PCDHGA3: variants seen among roughly 807,000 people sequenced by gnomAD.
The protein encoded by PCDHGA3 is protocadherin gamma subfamily A, 3, also known as protocadherin gamma-A3.
PCDHGA3 carries 40 observed loss-of-function variants against 58.5 expected under a neutral mutation model. The ratio of observed to expected loss-of-function variants is 0.68; its 90% CI spans 0.53 to 0.89. The LOEUF is 0.89. Ranked by LOEUF, PCDHGA3 falls within the 40% of genes least tolerant of loss-of-function variation. The pLI is 0.00. For synonymous variants in PCDHGA3, 530 were observed against 525.7 expected, an observed-to-expected ratio of 1.01 and a Z score of -0.11; for missense variants, 1,223 against 1,195.9, an observed-to-expected ratio of 1.02 and a Z score of -0.33.
intron 1 of PCDHGA3, chr5:141,365,005 C>T (rs1329280545): frequency 1.2e-6 from 2 of 1,613,788 alleles, no homozygotes; most frequent in South Asian, 1.1e-5. Flanking sequence ...TCTCCGGCAC[C>T]ACGCACATCC....
chr5:141,437,094 G>A (rs1183502010), intron 1 of PCDHGA3, among the ~76,000 whole-genome samples: 3 of 152,126 alleles, frequency 2.0e-5, no homozygotes, highest in African/African-American at 4.8e-5. Context: ...TGAAACTAAC[G>A]GCTTAGCTTT....
At chr5:141,393,848 A>T (rs1368797606) in intron 1 of PCDHGA3, 6 of 1,614,008 alleles carry the variant, frequency 3.7e-6, no homozygotes, top group Non-Finnish European at 5.1e-6. Flanking sequence ...ACAATAGACC[A>T]GAAGTGATCA....
At chr5:141,428,001 T>G (rs149531447) in intron 1 of PCDHGA3, 10 of 1,601,704 alleles carry the variant, frequency 6.2e-6, no homozygotes, top group Non-Finnish European at 8.5e-6. Flanking sequence ...CTCCGCACTC[T>G]TCGATATAGT....
chr5:141,365,971 G>A lies in PCDHGA3; in HGVS notation c.2424+19514G>A, dbSNP rs769584831. 6 of 1,614,218 alleles carry A rather than the reference G, an allele frequency of 3.7e-6. No homozygotes were observed. In the South Asian group the frequency reaches 5.5e-5, roughly 15 times the overall value. On this transcript the variant is annotated intron_variant, in intron 1 of 3. Coordinates refer to ENST00000253812, the MANE Select transcript of PCDHGA3 (RefSeq NM_018916.4). ...ACCCTCCACTTAGCAGCAACGTGTCGCTGAGCCTGTTTGTGCTGGACCAGA... is the reference window on the plus strand; with the variant it reads ...ACCCTCCACTTAGCAGCAACGTGTCACTGAGCCTGTTTGTGCTGGACCAGA...
At chr5:141,364,952 C>G in intron 1 of PCDHGA3, 1 of 1,613,948 alleles carries the variant, frequency 6.2e-7, no homozygotes, top group Non-Finnish European at 8.5e-7. Context: ...AGAGACTGTT[C>G]ACGACCTCCT....
At position 141,489,646 on chromosome 5, in the gene PCDHGA3, C is replaced by A. The variant is rs1274955075; in HGVS notation, c.2425-5161C>A. 1.2e-6 allele frequency: 2 copies of A among 1,614,186 alleles called. No homozygotes were observed. The highest frequency in any genetic ancestry group is 2.7e-5 in the African/African-American group (2 of 75,048). On this transcript the variant is annotated intron_variant, in intron 1 of 3. Coordinates refer to ENST00000253812, the MANE Select transcript of PCDHGA3 (RefSeq NM_018916.4). This position sits in a 1 kb window ranked among gnomAD's most constrained non-coding sequence, Gnocchi z 4.5. Reference sequence around the variant, plus strand: ...TGACAACTCTCCTAGCTTTGCCACCCCTGAGCGAGAGATGCGCATCTCAGA... The same window carrying A: ...TGACAACTCTCCTAGCTTTGCCACCACTGAGCGAGAGATGCGCATCTCAGA...
At chr5:141,375,457 A>T in intron 1 of PCDHGA3, 1 of 1,613,816 alleles carries the variant, frequency 6.2e-7, no homozygotes, top group East Asian at 2.2e-5. Flanking sequence ...CATCCTACTC[A>T]GTCTATGTCC....
chr5:141,477,171 TCA>T lies in PCDHGA3; in HGVS notation c.2425-17633_2425-17632del, dbSNP rs772104411. On this transcript the variant is annotated intron_variant, in intron 1 of 3. Transcript: ENST00000253812. This position sits in a 1 kb window ranked among gnomAD's most constrained non-coding sequence, Gnocchi z 4.9. ...GATGTGAATGACAACGCCCCGGAGA[TCA>T]CAGTCACCTCCGTGTACAGCCCAGT... 6.2e-7 allele frequency: 1 copy of T among 1,614,072 alleles called. No individual in the cohort carries two copies. Among genetic ancestry groups the T allele is most frequent in the Non-Finnish European group, 8.5e-7 (1 of 1,179,988 alleles).
At chr5:141,352,402 C>T (rs1033462327) in intron 1 of PCDHGA3, 27 of 1,613,928 alleles carry the variant, frequency 1.7e-5, no homozygotes, top group African/African-American at 6.7e-5. Context: ...TGCGACGTTC[C>T]TCCAGCCTCG....
intron 1 of PCDHGA3, chr5:141,471,546 G>T (rs1271594387): frequency 6.6e-6 from 1 of 152,202 alleles, no homozygotes; most frequent in African/African-American, 2.4e-5. Flanking sequence ...AGCATTTAAG[G>T]TTGCTTTGAC....
In PCDHGA3 at chr5:141,432,172, C is replaced by G. The variant is rs562175068; in HGVS notation, c.2425-62635C>G. On this transcript the variant is annotated intron_variant, in intron 1 of 3. Transcript: ENST00000253812. This position sits in a 1 kb window ranked among gnomAD's most constrained non-coding sequence, Gnocchi z 6.0. ...AGAACAATCCCAGAGGAGTTTCCCTCGTCTCTGTGACCGCCCACGACCCCG... is the reference window on the plus strand; with the variant it reads ...AGAACAATCCCAGAGGAGTTTCCCTGGTCTCTGTGACCGCCCACGACCCCG... 9 of 1,614,034 alleles carry G rather than the reference C, an allele frequency of 5.6e-6. No homozygotes were observed. The highest frequency in any genetic ancestry group is 7.6e-6 in the Non-Finnish European group (9 of 1,180,046).
In PCDHGA3 at chr5:141,423,305, A is replaced by G. The variant is rs746680027; in HGVS notation, c.2425-71502A>G. On this transcript the variant is annotated intron_variant, in intron 1 of 3. Coordinates refer to ENST00000253812, the MANE Select transcript of PCDHGA3 (RefSeq NM_018916.4). Reference sequence around the variant, plus strand: ...TCTGAAACCTCAGACCTCTCGCTGTACTTGGTGGTGGCGGTGGCCGCAGTC... The same window carrying G: ...TCTGAAACCTCAGACCTCTCGCTGTGCTTGGTGGTGGCGGTGGCCGCAGTC... 23 of 1,613,944 alleles carry G rather than the reference A, an allele frequency of 1.4e-5. No individual in the cohort carries two copies. Among genetic ancestry groups the G allele is most frequent in the Non-Finnish European group, 1.9e-5 (22 of 1,180,004 alleles).
chr5:141,370,462 C>T lies in PCDHGA3; in HGVS notation c.2424+24005C>T. 1.9e-6 allele frequency: 3 copies of T among 1,612,864 alleles called. No homozygotes were observed. In the South Asian group the frequency reaches 3.3e-5, roughly 18 times the overall value. Reference sequence around the variant, plus strand: ...CGAATGCTATTTCTCTTCCTGCTCTCTTTGTTAGACCAGGCTCTCTCCGAA... The same window carrying T: ...CGAATGCTATTTCTCTTCCTGCTCTTTTTGTTAGACCAGGCTCTCTCCGAA... On this transcript the variant is annotated intron_variant, in intron 1 of 3. Coordinates refer to ENST00000253812, the MANE Select transcript of PCDHGA3 (RefSeq NM_018916.4).
At chr5:141,366,898 G>A in intron 1 of PCDHGA3, 4 of 1,204,000 alleles carry the variant, frequency 3.3e-6, no homozygotes, top group Non-Finnish European at 3.4e-6. Flanking sequence ...TATAATTCAT[G>A]CTTTCTCCAT....
chr5:141,400,155 A>C lies in PCDHGA3; in HGVS notation c.2424+53698A>C, dbSNP rs756922498. The C allele has an allele frequency of 5.0e-6, 8 of 1,613,966 alleles. 1 individual carries two copies. The South Asian group carries it at 6.6e-5, about 13-fold the overall frequency. ...TGCCGGATATCACTGACCGCCCTGT[A>C]CCCTCTGACCCCCAGGCTGAGCTGC... On this transcript the variant is annotated intron_variant, in intron 1 of 3. Transcript: ENST00000253812.
At position 141,487,670 on chromosome 5, in the gene PCDHGA3, T is replaced by C. The variant is rs2099658277; in HGVS notation, c.2425-7137T>C. 2 of 1,612,302 alleles carry C rather than the reference T, an allele frequency of 1.2e-6. No homozygotes were observed. Among genetic ancestry groups the C allele is most frequent in the Non-Finnish European group, 1.7e-6 (2 of 1,179,082 alleles). On this transcript the variant is annotated intron_variant, in intron 1 of 3. Transcript: ENST00000253812. The surrounding 1 kb of genome is among the most constrained non-coding windows in gnomAD (Gnocchi z 5.0). The stretch of plus-strand genomic sequence containing the variant: ...TGAGGGTTATTCTGATCCAGGCATA[T>C]GGCTAGGCCATGTCCTAGAGAGTAC...
At chr5:141,413,468 A>C in intron 1 of PCDHGA3, 1 of 1,614,072 alleles carries the variant, frequency 6.2e-7, no homozygotes, top group South Asian at 1.1e-5. Context: ...GACCGGGAGG[A>C]GCTCTGCGCT....
Position 141,361,948 on chromosome 5 carries a change from T to A in PCDHGA3, c.2424+15491T>A, listed in dbSNP as rs746757947. The stretch of plus-strand genomic sequence containing the variant: ...AGACTCAGGACACAACGCTTGGCTG[T>A]CCTACCACGTGCTGCAGGCCAGCGA... On this transcript the variant is annotated intron_variant, in intron 1 of 3. Coordinates refer to ENST00000253812, the MANE Select transcript of PCDHGA3 (RefSeq NM_018916.4). The A allele has an allele frequency of 2.6e-5, 42 of 1,604,118 alleles. No homozygotes were observed. The highest frequency in any genetic ancestry group is 5.5e-5 in the South Asian group (5 of 90,876).
At chr5:141,366,162 C>T (rs1037452604) in intron 1 of PCDHGA3, 2 of 1,613,992 alleles carry the variant, frequency 1.2e-6, no homozygotes, top group African/African-American at 2.7e-5. Flanking sequence ...CTGCTTAAGG[C>T]CAGCGAGCCA....
Sources: gnomAD v4.1 joint callset for allele counts (sites outside exome capture counted in the v4.1 genomes callset) on GRCh38, gnomAD v4.1.1 for gene constraint, Gnocchi (gnomAD v3.1) non-coding constraint, MANE v1.5 for transcripts, NCBI Gene and HGNC (gene_info 2026-07-23, HGNC 2026-07-21) for gene names.